The following FIGN variants were observed in gnomAD, a reference collection of about 807,000 sequenced individuals.
The protein encoded by FIGN is fidgetin.
In FIGN, 11 loss-of-function variants were observed where a neutral mutation model predicts 51.3. The observed-to-expected ratio is 0.21, with a 90% CI of 0.13 to 0.35. The LOEUF (loss-of-function observed/expected upper bound fraction) is 0.35. Among genes scored for constraint, FIGN ranks in the 10% least tolerant of loss-of-function variants. The pLI is 1.00. For missense variants in FIGN, 857 were observed against 943.6 expected, an observed-to-expected ratio of 0.91 and a Z score of 1.20; for synonymous variants, 407 against 363.2, an observed-to-expected ratio of 1.12 and a Z score of -1.37.
intron 2 of FIGN, among the ~76,000 whole-genome samples, chr2:163,673,518 T>A (rs1683911482): frequency 1.3e-5 from 2 of 152,098 alleles, no homozygotes; most frequent in African/African-American, 2.4e-5. Flanking sequence ...AGAAGAGACA[T>A]ACAAAAATTA....
intron 2 of FIGN, among the ~76,000 whole-genome samples, chr2:163,722,416 G>T (rs182495798): frequency 1.3e-5 from 2 of 152,090 alleles, no homozygotes; most frequent in African/African-American, 4.8e-5. Context: ...TATTTCCCAC[G>T]TTCAACCAAA....
At chr2:163,619,847 T>C (rs1038336104) in intron 2 of FIGN, among the ~76,000 whole-genome samples, 4 of 152,140 alleles carry the variant, frequency 2.6e-5, no homozygotes, top group African/African-American at 9.7e-5. Context: ...CAAGTGAACA[T>C]ATTATCATGC....
rs1421985961 is a variant in FIGN, at chr2:163,608,188, GA to G, written c.*1363del. 6.6e-6 allele frequency: 1 copy of G among 152,646 alleles called. No individual in the cohort carries two copies. The highest frequency in any genetic ancestry group is 1.5e-5 in the Non-Finnish European group (1 of 68,056). 9.5% of individuals were successfully genotyped at this position (152,646 alleles called of 1,614,324 possible). A position where few individuals can be genotyped will look rare whatever the true frequency, so the allele number is the denominator to read the frequency against. ...AGCACTACAGCCCAGATTTCAAAATGAGAAGCAAAATTGCACTGACAAGAGT... is the reference window on the plus strand; with the variant it reads ...AGCACTACAGCCCAGATTTCAAAATGGAAGCAAAATTGCACTGACAAGAGT... On this transcript the variant is annotated 3_prime_UTR_variant, in exon 3 of 3. Transcript: ENST00000333129.
At chr2:163,675,688 CT>C in intron 2 of FIGN, among the ~76,000 whole-genome samples, 1 of 118,476 alleles carries the variant, frequency 8.4e-6, no homozygotes, top group South Asian at 2.9e-4. Flanking sequence ...ACTTGAATGT[CT>C]TTTCTTTTCT....
chr2:163,696,630 C>A (rs1684323246), intron 2 of FIGN, among the ~76,000 whole-genome samples: 1 of 151,788 alleles, frequency 6.6e-6, no homozygotes, highest in Admixed American at 6.6e-5. Context: ...GTGTTATGAT[C>A]CTCATTTTGT....
chr2:163,722,925 G>A (rs573696019), intron 2 of FIGN, among the ~76,000 whole-genome samples: 54 of 151,948 alleles, frequency 3.6e-4, no homozygotes, highest in Non-Finnish European at 6.2e-4. Context: ...GGTGGCTCAC[G>A]CCTGTAATCC....
Position 163,610,284 on chromosome 2 carries a change from C to A in FIGN, c.1548G>T (p.Thr516=). The A allele has an allele frequency of 6.2e-7, 1 of 1,614,106 alleles. No individual in the cohort carries two copies. Among genetic ancestry groups the A allele is most frequent in the South Asian group, 1.1e-5 (1 of 91,076 alleles). The change falls in exon 3 of 3, where the codon ACG becomes ACT. Residue 516 remains threonine, a synonymous_variant. Transcript: ENST00000333129. Reference sequence around the variant, plus strand: ...ATAAAAGGATGCTCCGAGGTAAGGCCGTCAGTCCACTGAACGCGTCTGACC... The same window carrying A: ...ATAAAAGGATGCTCCGAGGTAAGGCAGTCAGTCCACTGAACGCGTCTGACC... ...VLRSDAFSGL[T]ALPRSILLFG... is the part of the protein sequence containing the mutation.
intron 2 of FIGN, among the ~76,000 whole-genome samples, chr2:163,657,430 A>T (rs1334690516): frequency 1.3e-5 from 2 of 152,024 alleles, no homozygotes; most frequent in Non-Finnish European, 2.9e-5. Context: ...CCATGCATAG[A>T]ATGTGTCAGA....
chr2:163,690,703 G>A (rs998571751), intron 2 of FIGN, among the ~76,000 whole-genome samples: 3 of 152,012 alleles, frequency 2.0e-5, no homozygotes, highest in African/African-American at 7.2e-5. Flanking sequence ...GGTGGCTCAA[G>A]TATATATAAA....
intron 2 of FIGN, among the ~76,000 whole-genome samples, chr2:163,633,895 A>T (rs1380060270): frequency 6.6e-6 from 1 of 152,190 alleles, no homozygotes; most frequent in Non-Finnish European, 1.5e-5. Context: ...CCAACTACCC[A>T]GGCATTCTAG....
chr2:163,646,099 A>C (rs1683376697), intron 2 of FIGN, among the ~76,000 whole-genome samples: 1 of 152,164 alleles, frequency 6.6e-6, no homozygotes. Flanking sequence ...ATGAATGAAA[A>C]GTTTTCTGGT....
chr2:163,651,314 T>G (rs754084031), intron 2 of FIGN, among the ~76,000 whole-genome samples: 3 of 151,866 alleles, frequency 2.0e-5, no homozygotes, highest in Non-Finnish European at 2.9e-5. Context: ...TACACAAAAT[T>G]AGCCAGGCGT....
In FIGN at chr2:163,644,405, G is replaced by A. The variant is rs550133524; in HGVS notation, c.26-32599C>T. 2.0e-5 allele frequency among the ~76,000 whole-genome samples: 3 copies of A among 152,178 alleles called. No individual in the cohort carries two copies. The South Asian group carries it at 6.2e-4, about 32-fold the overall frequency. ...AATACCATTTCATACTTCCCAGGAG[G>A]GCTAGAATCAAAAAGTCAGATAATG... is the stretch of plus-strand genomic sequence containing the variant. On this transcript the variant is annotated intron_variant, in intron 2 of 2. Transcript: ENST00000333129.
intron 2 of FIGN, among the ~76,000 whole-genome samples, chr2:163,699,637 A>C (rs1172744244): frequency 2.6e-5 from 4 of 152,186 alleles, no homozygotes; most frequent in Non-Finnish European, 4.4e-5. Context: ...TTCCCTGAGA[A>C]CAAAGGTTTA....
rs1691004111 is a variant in FIGN, at chr2:163,602,975, A to G, written c.*6577T>C. Reference sequence around the variant, plus strand: ...GACAAAAAGCATTTTCAGATCTCCAAGTTAATTGTACAGCAGCTTCCTACA... The same window carrying G: ...GACAAAAAGCATTTTCAGATCTCCAGGTTAATTGTACAGCAGCTTCCTACA... On this transcript the variant is annotated 3_prime_UTR_variant, in exon 3 of 3. Transcript: ENST00000333129. 6.6e-6 allele frequency: 1 copy of G among 152,056 alleles called. No homozygotes were observed. Among genetic ancestry groups the G allele is most frequent in the African/African-American group, 2.4e-5 (1 of 41,426 alleles). 9.4% of individuals were successfully genotyped at this position (152,056 alleles called of 1,614,324 possible).
intron 2 of FIGN, among the ~76,000 whole-genome samples, chr2:163,710,826 A>C (rs2105356462): frequency 6.6e-6 from 1 of 152,242 alleles, no homozygotes; most frequent in Middle Eastern, 3.4e-3. Context: ...CCAGGTAATA[A>C]CTTACTTGTT....
intron 2 of FIGN, among the ~76,000 whole-genome samples, chr2:163,642,708 C>T (rs570985781): frequency 6.6e-6 from 1 of 152,248 alleles, no homozygotes; most frequent in African/African-American, 2.4e-5. Flanking sequence ...TAAGACAGTT[C>T]TTGGTCCATG....
chr2:163,645,923 G>A (rs967192071), intron 2 of FIGN, among the ~76,000 whole-genome samples: 1 of 152,166 alleles, frequency 6.6e-6, no homozygotes, highest in Admixed American at 6.5e-5. Context: ...ACTTCTGCCT[G>A]TAAGAATAAA....
chr2:163,628,832 G>C (rs1683097780), intron 2 of FIGN, among the ~76,000 whole-genome samples: 1 of 152,160 alleles, frequency 6.6e-6, no homozygotes, highest in Admixed American at 6.6e-5. Flanking sequence ...TCCTCAAAAA[G>C]CCCAGGGAGG....
Sources: gnomAD v4.1 joint callset for allele counts (sites outside exome capture counted in the v4.1 genomes callset) on GRCh38, gnomAD v4.1.1 for gene constraint, MANE v1.5 for transcripts, NCBI Gene and HGNC (gene_info 2026-07-23, HGNC 2026-07-21) for gene names.